ARHGAP44: variants seen among roughly 807,000 people sequenced by gnomAD.
ARHGAP44 encodes the protein Rho GTPase activating protein 44.
Under a neutral mutation model 106.8 loss-of-function variants are expected in ARHGAP44, and 43 were observed. The observed-to-expected ratio is 0.40, with a 90% CI of 0.32 to 0.52. ARHGAP44 has a LOEUF of 0.52. ARHGAP44 is among the 20% of genes least tolerant of loss of function. The probability of loss-of-function intolerance (pLI) is 0.48; values close to 1 mark genes in which losing one functional copy is unlikely to be tolerated. For missense variants in ARHGAP44, 866 were observed against 1,050.5 expected (o/e 0.82, Z 2.43); for synonymous variants, 439 against 410.3 (o/e 1.07, Z -0.85).
intron 6 of ARHGAP44, among the ~76,000 whole-genome samples, chr17:12,920,444 C>A (rs764112984): frequency 7.1e-4 from 107 of 150,264 alleles, no homozygotes; most frequent in Admixed American, 1.2e-3. Context: ...GGAGCAACAG[C>A]ATTAAGGATA....
chr17:12,840,886 C>T (rs899820391), intron 1 of ARHGAP44, among the ~76,000 whole-genome samples: 1 of 152,162 alleles, frequency 6.6e-6, no homozygotes, highest in African/African-American at 2.4e-5. Context: ...AACACACCAT[C>T]CTGTTTGTGC....
intron 1 of ARHGAP44, among the ~76,000 whole-genome samples, chr17:12,841,594 T>TCTCTCTCTCACACACA (rs1417307080): frequency 6.3e-5 from 8 of 126,582 alleles, no homozygotes; most frequent in East Asian, 5.2e-4. Context: ...TGTCTCTCTC[T>TCTCTCTCTCACACACA]CACACACACA....
intron 1 of ARHGAP44, among the ~76,000 whole-genome samples, chr17:12,833,998 C>T (rs1234256763): frequency 4.0e-5 from 6 of 150,444 alleles, no homozygotes; most frequent in Non-Finnish European, 5.9e-5. Context: ...CTATCAGTAG[C>T]GCCAAAAGGG....
At chr17:12,948,213 A>G (rs1376156430) in intron 10 of ARHGAP44, among the ~76,000 whole-genome samples, 1 of 152,178 alleles carries the variant, frequency 6.6e-6, no homozygotes, top group East Asian at 1.9e-4. Flanking sequence ...CTTTCGCTTC[A>G]TAGCTCCCTT....
chr17:12,885,695 C>G (rs2036863073), intron 1 of ARHGAP44, among the ~76,000 whole-genome samples: 1 of 151,940 alleles, frequency 6.6e-6, no homozygotes, highest in African/African-American at 2.4e-5. Context: ...GATTTCTAGC[C>G]CATTTTAAAT....
At chr17:12,800,842 C>T (rs2034070919) in intron 1 of ARHGAP44, among the ~76,000 whole-genome samples, 1 of 152,186 alleles carries the variant, frequency 6.6e-6, no homozygotes, top group Non-Finnish European at 1.5e-5. Flanking sequence ...GCTTCTCTCC[C>T]CCTAATCTTG....
At chr17:12,875,967 T>A (rs2036544432) in intron 1 of ARHGAP44, among the ~76,000 whole-genome samples, 2 of 152,108 alleles carry the variant, frequency 1.3e-5, no homozygotes, top group Non-Finnish European at 2.9e-5. Flanking sequence ...GTATTGATGA[T>A]ATTTTCTTAT....
chr17:12,969,523 T>G (rs1180315156), intron 16 of ARHGAP44, among the ~76,000 whole-genome samples: 2 of 152,228 alleles, frequency 1.3e-5, no homozygotes, highest in Non-Finnish European at 2.9e-5. Flanking sequence ...AGTTAGTCAT[T>G]GGAAAATCTA....
chr17:12,966,165 A>C (rs917494677), intron 16 of ARHGAP44, among the ~76,000 whole-genome samples: 8 of 152,124 alleles, frequency 5.3e-5, no homozygotes, highest in African/African-American at 1.9e-4. Flanking sequence ...CAAAAAAAAA[A>C]AAAAAAATCC....
rs11410681 is a variant in ARHGAP44 at position 12,905,068 on chromosome 17, A to ATTT, written c.199-3814_199-3812dup. Among the ~76,000 whole-genome samples, 67 of 137,118 alleles carry ATTT rather than the reference A, an allele frequency of 4.9e-4. 1 individual carries two copies. The South Asian group carries it at 5.1e-3, about 11-fold the overall frequency. 90.0% of individuals were successfully genotyped at this position (137,118 alleles called of 152,430 possible). ...AGGGGCGTGCCACCACACTTGGCTA[A>ATTT]TTTTTTTTTTTTTTTTTGTATTTTT... On this transcript the variant is annotated intron_variant, in intron 3 of 20. Coordinates refer to ENST00000379672, the MANE Select transcript of ARHGAP44 (RefSeq NM_014859.6).
At chr17:12,981,273 G>A (rs571115875) in intron 19 of ARHGAP44, among the ~76,000 whole-genome samples, 11 of 152,274 alleles carry the variant, frequency 7.2e-5, no homozygotes, top group Admixed American at 6.5e-4. Context: ...GTGGCCCAGC[G>A]GAAACGACAT....
chr17:12,846,462 A>G (rs563264697), intron 1 of ARHGAP44, among the ~76,000 whole-genome samples: 38 of 152,358 alleles, frequency 2.5e-4, no homozygotes, highest in African/African-American at 8.4e-4. Context: ...ACTTCTGTAC[A>G]TAAATACATT....
chr17:12,900,898 C>T lies in ARHGAP44; in HGVS notation c.198+4387C>T, dbSNP rs1327382800. Among the ~76,000 whole-genome samples, 8 of 142,088 alleles carry T rather than the reference C, an allele frequency of 5.6e-5. No individual in the cohort carries two copies. The South Asian group carries it at 6.8e-4, about 12-fold the overall frequency. 93.2% of individuals were successfully genotyped at this position (142,088 alleles called of 152,430 possible). On this transcript the variant is annotated intron_variant, in intron 3 of 20. Coordinates refer to ENST00000379672, the MANE Select transcript of ARHGAP44 (RefSeq NM_014859.6). ...ACAAGATGTGCCAGGTTCCGAGAGA[C>T]AGGAGAAAGTTTGGCTTTTTTTTTT...
At chr17:12,798,825 T>A (rs1438333631) in intron 1 of ARHGAP44, among the ~76,000 whole-genome samples, 1 of 152,218 alleles carries the variant, frequency 6.6e-6, no homozygotes, top group East Asian at 1.9e-4. Flanking sequence ...AAAACAACTT[T>A]CCAAGGGTGT....
At chr17:12,933,184 C>T (rs528399656) in intron 7 of ARHGAP44, among the ~76,000 whole-genome samples, 88 of 152,314 alleles carry the variant, frequency 5.8e-4, no homozygotes, top group Non-Finnish European at 9.7e-4. Flanking sequence ...TGGGTTTCCT[C>T]GAATGGGTTA....
At chr17:12,896,218 C>A (rs1341665531) in intron 2 of ARHGAP44, among the ~76,000 whole-genome samples, 189 bp from the exon 3 acceptor site, 1 of 151,988 alleles carries the variant, frequency 6.6e-6, no homozygotes, top group East Asian at 1.9e-4. Flanking sequence ...TGTAACAAAC[C>A]TACACATTGT....
intron 15 of ARHGAP44, among the ~76,000 whole-genome samples, chr17:12,957,584 G>T (rs772146300): frequency 6.6e-6 from 1 of 152,012 alleles, no homozygotes; most frequent in Non-Finnish European, 1.5e-5. Context: ...AATCTCAAAG[G>T]CAATGAGATT....
chr17:12,965,960 C>A (rs1315774081), intron 16 of ARHGAP44, among the ~76,000 whole-genome samples: 1 of 152,088 alleles, frequency 6.6e-6, no homozygotes, highest in Non-Finnish European at 1.5e-5. Flanking sequence ...CAAGACCAAT[C>A]TGAGCAACCC....
At chr17:12,930,961 A>G (rs935443374) in intron 7 of ARHGAP44, among the ~76,000 whole-genome samples, 1 of 152,222 alleles carries the variant, frequency 6.6e-6, no homozygotes, top group Non-Finnish European at 1.5e-5. Context: ...AAGGATAAGG[A>G]AGCCAGTGCT....
Sources: gnomAD v4.1 joint callset for allele counts (sites outside exome capture counted in the v4.1 genomes callset) on GRCh38, gnomAD v4.1.1 for gene constraint, MANE v1.5 for transcripts, NCBI Gene and HGNC (gene_info 2026-07-23, HGNC 2026-07-21) for gene names.